The following PYGO1 variants were observed in gnomAD, a reference collection of about 807,000 sequenced individuals.
PYGO1 encodes pygopus homolog 1.
PYGO1 carries 6 observed loss-of-function variants against 29.5 expected under a neutral mutation model. The observed-to-expected ratio is 0.20, with a 90% CI of 0.11 to 0.40. The LOEUF (loss-of-function observed/expected upper bound fraction) is 0.40, where lower values mean the gene tolerates loss of function less well. Ranked by LOEUF, PYGO1 falls within the 10% of genes least tolerant of loss-of-function variation. The pLI is 1.00. For missense variants in PYGO1, 515 were observed against 514.9 expected (o/e 1.00, Z 0.00); for synonymous variants, 186 against 180.5 (o/e 1.03, Z -0.24).
chr15:55,588,174 A>T lies in PYGO1; in HGVS notation c.-291T>A, dbSNP rs1302423373. ...CCCCACCCGGGGCCGGCATGTGCTG[A>T]GGGCGAGTGCGCCGCCGCCGCCGCC... On this transcript the variant is annotated 5_prime_UTR_variant, in exon 1 of 3. Transcript: ENST00000563719. 7.0e-6 allele frequency: 3 copies of T among 427,442 alleles called. No individual in the cohort carries two copies. Among genetic ancestry groups the T allele is most frequent in the Non-Finnish European group, 9.3e-6 (3 of 322,382 alleles). 26.5% of individuals were successfully genotyped at this position (427,442 alleles called of 1,614,324 possible).
intron 1 of PYGO1, among the ~76,000 whole-genome samples, chr15:55,561,475 G>A (rs763562549): frequency 1.3e-5 from 2 of 152,142 alleles, no homozygotes; most frequent in Non-Finnish European, 1.5e-5. Context: ...AAAGTGGCAG[G>A]AGAAAGAAGA....
At chr15:55,572,215 T>C (rs181447554) in intron 1 of PYGO1, among the ~76,000 whole-genome samples, 4 of 152,228 alleles carry the variant, frequency 2.6e-5, no homozygotes, top group Admixed American at 2.0e-4. Flanking sequence ...ACATTCACCA[T>C]GGAACACAAT....
chr15:55,548,052 C>A (rs534263743), intron 2 of PYGO1, among the ~76,000 whole-genome samples: 1 of 152,188 alleles, frequency 6.6e-6, no homozygotes, highest in East Asian at 1.9e-4. Flanking sequence ...CAGAGTCTCA[C>A]GCTGTCACCA....
chr15:55,558,301 A>G (rs1433708595), intron 1 of PYGO1, among the ~76,000 whole-genome samples: 1 of 30,452 alleles, frequency 3.3e-5, no homozygotes, highest in Non-Finnish European at 8.6e-5. Context: ...AGGGATGTGA[A>G]GGACCTCTTC....
chr15:55,574,914 C>T (rs959310251), intron 1 of PYGO1, among the ~76,000 whole-genome samples: 1 of 151,986 alleles, frequency 6.6e-6, no homozygotes, highest in African/African-American at 2.4e-5. Flanking sequence ...TCCACAATAC[C>T]AGATTGTTAC....
chr15:55,581,425 G>C (rs959002533), intron 1 of PYGO1, among the ~76,000 whole-genome samples: 1 of 152,174 alleles, frequency 6.6e-6, no homozygotes, highest in Non-Finnish European at 1.5e-5. Context: ...AAATAAAAAA[G>C]AGCCAACATA....
chr15:55,581,675 CAAT>C (rs1188954922), intron 1 of PYGO1, among the ~76,000 whole-genome samples: 1 of 152,098 alleles, frequency 6.6e-6, no homozygotes, highest in Non-Finnish European at 1.5e-5. Context: ...TGTAAACCAA[CAAT>C]AATATCTAAT....
chr15:55,572,466 G>A (rs151257686), intron 1 of PYGO1, among the ~76,000 whole-genome samples: 2,081 of 152,248 alleles, frequency 0.014, 24 homozygotes, highest in Non-Finnish European at 0.023. Context: ...AGAAAAGAGA[G>A]GAAAAAACTT....
chr15:55,584,106 C>CTTT (rs61436067), intron 1 of PYGO1, among the ~76,000 whole-genome samples: 48 of 123,140 alleles, frequency 3.9e-4, no homozygotes, highest in African/African-American at 1.2e-3. Context: ...GGTGTCATAC[C>CTTT]TTTTTTTTTT....
At chr15:55,575,188 T>G (rs2141672258) in intron 1 of PYGO1, among the ~76,000 whole-genome samples, 1 of 152,284 alleles carries the variant, frequency 6.6e-6, no homozygotes, top group Admixed American at 6.5e-5. Context: ...TCAGTATGCA[T>G]AAAGATTACC....
chr15:55,554,486 A>AG (rs1299177970), intron 1 of PYGO1, among the ~76,000 whole-genome samples: 1 of 145,988 alleles, frequency 6.8e-6, no homozygotes, highest in African/African-American at 2.7e-5. Flanking sequence ...AAAAAAAAAA[A>AG]AAAAAAAGAA....
intron 1 of PYGO1, among the ~76,000 whole-genome samples, chr15:55,582,501 T>TC (rs2059029440): frequency 7.9e-5 from 12 of 152,122 alleles, no homozygotes; most frequent in Admixed American, 7.9e-4. Context: ...AGCGTCTTTT[T>TC]CCCCCCTTGT....
intron 1 of PYGO1, among the ~76,000 whole-genome samples, chr15:55,560,722 G>A (rs1365173970): frequency 6.6e-6 from 1 of 152,126 alleles, no homozygotes; most frequent in African/African-American, 2.4e-5. Flanking sequence ...CAGCACTTTG[G>A]GAGGCTGAGG....
At chr15:55,562,118 T>C (rs1197797763) in intron 1 of PYGO1, among the ~76,000 whole-genome samples, 5 of 151,900 alleles carry the variant, frequency 3.3e-5, no homozygotes, top group Admixed American at 6.6e-5. Context: ...ATTAGAGAAA[T>C]GCAAATCAAA....
At chr15:55,570,570 GTTA>G (rs2058976239) in intron 1 of PYGO1, among the ~76,000 whole-genome samples, 1 of 150,780 alleles carries the variant, frequency 6.6e-6, no homozygotes, top group African/African-American at 2.4e-5. Flanking sequence ...CTTTCATCAG[GTTA>G]TTATGTTTTG....
intron 1 of PYGO1, among the ~76,000 whole-genome samples, chr15:55,565,478 C>A (rs185297614): frequency 3.0e-4 from 46 of 151,998 alleles, no homozygotes; most frequent in African/African-American, 1.1e-3. Context: ...CAGAGGCGGG[C>A]AGACTACCTG....
At chr15:55,573,413 A>G (rs970197853) in intron 1 of PYGO1, among the ~76,000 whole-genome samples, 1 of 152,228 alleles carries the variant, frequency 6.6e-6, no homozygotes, top group Non-Finnish European at 1.5e-5. Flanking sequence ...TGGTACAGCC[A>G]TTAAAGAGAA....
intron 1 of PYGO1, among the ~76,000 whole-genome samples, chr15:55,553,845 G>A (rs943242535): frequency 1.3e-5 from 2 of 152,126 alleles, no homozygotes; most frequent in Non-Finnish European, 2.9e-5. Flanking sequence ...TTGCTGTTAC[G>A]CAGCCTTCAC....
At chr15:55,555,051 A>C (rs1412918330) in intron 1 of PYGO1, among the ~76,000 whole-genome samples, 1 of 152,064 alleles carries the variant, frequency 6.6e-6, no homozygotes. Flanking sequence ...CCCAAGATAC[A>C]TAATCATCAG....
Sources: allele counts gnomAD v4.1 joint callset (sites outside exome capture counted in the v4.1 genomes callset), GRCh38; gene constraint gnomAD v4.1.1; transcripts MANE v1.5; gene names NCBI Gene and HGNC (gene_info 2026-07-23, HGNC 2026-07-21).